FGGY: variants seen among roughly 807,000 people sequenced by gnomAD.
FGGY encodes the protein FGGY carbohydrate kinase domain containing.
FGGY carries 72 observed loss-of-function variants against 71.3 expected under a neutral mutation model. That is an observed-to-expected ratio of 1.01 (90% CI 0.84 to 1.23). The LOEUF is 1.23. Ranked by LOEUF, FGGY falls within the 50% of genes most tolerant of loss-of-function variation. The probability of loss-of-function intolerance (pLI) is 0.00; values close to 1 mark genes in which losing one functional copy is unlikely to be tolerated. For missense variants in FGGY, 668 were observed against 682.3 expected (o/e 0.98, Z 0.23); for synonymous variants, 251 against 250.3 (o/e 1.00, Z -0.02).
intron 7 of FGGY, among the ~76,000 whole-genome samples, chr1:59,513,831 G>A (rs372530759): frequency 1.3e-5 from 2 of 152,110 alleles, no homozygotes; most frequent in Admixed American, 6.5e-5. Flanking sequence ...CTTATGCAAC[G>A]GATTATTAAA....
At chr1:59,497,665 C>A (rs2094084245) in intron 6 of FGGY, among the ~76,000 whole-genome samples, 1 of 152,306 alleles carries the variant, frequency 6.6e-6, no homozygotes, top group South Asian at 2.1e-4. Flanking sequence ...TTGCCCATTT[C>A]TGTTCAGCCG....
intron 5 of FGGY, among the ~76,000 whole-genome samples, chr1:59,432,695 G>A (rs893692683): frequency 3.3e-5 from 5 of 152,198 alleles, no homozygotes; most frequent in African/African-American, 1.2e-4. Context: ...CACCTCTGTA[G>A]TAATGGCAGC....
intron 1 of FGGY, among the ~76,000 whole-genome samples, chr1:59,300,230 A>G (rs1262168505): frequency 6.6e-6 from 1 of 152,238 alleles, no homozygotes; most frequent in Non-Finnish European, 1.5e-5. Flanking sequence ...CATCAAAAGA[A>G]CATACCTAAT....
chr1:59,590,750 A>T (rs890178344), intron 8 of FGGY, among the ~76,000 whole-genome samples: 10 of 152,226 alleles, frequency 6.6e-5, no homozygotes, highest in Non-Finnish European at 2.9e-5. Flanking sequence ...GCCTTATGCT[A>T]AAAACTCTCA....
At chr1:59,342,063 A>G (rs1334148847) in intron 3 of FGGY, among the ~76,000 whole-genome samples, 1 of 152,142 alleles carries the variant, frequency 6.6e-6, no homozygotes, top group Non-Finnish European at 1.5e-5. Context: ...TTTAGATACT[A>G]AGAGTCCTGT....
At position 59,473,228 on chromosome 1, in the gene FGGY, C is replaced by T. The variant is rs192994449; in HGVS notation, c.670+16152C>T. ...TCTGCAGCTTCACTCCTGAAGCCAG[C>T]GAGACCACGAACCCACCGGGAGGAA... On this transcript the variant is annotated intron_variant, in intron 6 of 15. Transcript: ENST00000303721. Among the ~76,000 whole-genome samples the T allele has an allele frequency of 1.5e-4, 23 of 152,170 alleles. No individual in the cohort carries two copies. The East Asian group carries it at 3.5e-3, about 23-fold the overall frequency.
At chr1:59,589,044 C>T (rs998329208) in intron 8 of FGGY, among the ~76,000 whole-genome samples, 4 of 152,096 alleles carry the variant, frequency 2.6e-5, no homozygotes, top group African/African-American at 9.7e-5. Flanking sequence ...TCAGGAAACC[C>T]AGCTCACATG....
At chr1:59,439,000 A>T (rs2069147568) in intron 5 of FGGY, among the ~76,000 whole-genome samples, 1 of 152,098 alleles carries the variant, frequency 6.6e-6, no homozygotes, top group South Asian at 2.1e-4. Flanking sequence ...TTTTATATCT[A>T]CTTCATAATC....
chr1:59,584,086 C>A (rs575084789), intron 8 of FGGY, among the ~76,000 whole-genome samples: 2 of 149,752 alleles, frequency 1.3e-5, no homozygotes, highest in South Asian at 2.1e-4. Context: ...ACCAGAGGTA[C>A]AAGGAGGAAT....
chr1:59,559,069 C>G (rs2095742456), intron 8 of FGGY, among the ~76,000 whole-genome samples: 1 of 152,112 alleles, frequency 6.6e-6, no homozygotes, highest in South Asian at 2.1e-4. Context: ...TCATATTGTT[C>G]AAACACACAT....
intron 11 of FGGY, among the ~76,000 whole-genome samples, chr1:59,648,518 CA>C (rs1395515046): frequency 7.3e-6 from 1 of 137,804 alleles, no homozygotes; most frequent in Non-Finnish European, 1.5e-5. Flanking sequence ...AGCATTTTTT[CA>C]TGTGTTTTTT....
chr1:59,739,635 GTTTC>G (rs2098131865), intron 14 of FGGY, among the ~76,000 whole-genome samples: 1 of 152,062 alleles, frequency 6.6e-6, no homozygotes, highest in South Asian at 2.1e-4. Flanking sequence ...TTGAGTTTTA[GTTTC>G]TTTCTCTCTA....
At chr1:59,552,523 G>C (rs1243540081) in intron 7 of FGGY, among the ~76,000 whole-genome samples, 1 of 152,198 alleles carries the variant, frequency 6.6e-6, no homozygotes, top group Non-Finnish European at 1.5e-5. Flanking sequence ...TAAGAGGCCT[G>C]TCTCTGGCCT....
At chr1:59,366,081 A>G (rs912227895) in intron 4 of FGGY, among the ~76,000 whole-genome samples, 6 of 152,188 alleles carry the variant, frequency 3.9e-5, no homozygotes, top group African/African-American at 7.2e-5. Context: ...GCTGAGTATG[A>G]TGAGTTTTCA....
At chr1:59,312,141 T>G (rs996548027) in intron 1 of FGGY, among the ~76,000 whole-genome samples, 1 of 152,240 alleles carries the variant, frequency 6.6e-6, no homozygotes, top group Admixed American at 6.5e-5. Context: ...CCTTGTAAAT[T>G]CTGGATATTA....
intron 8 of FGGY, among the ~76,000 whole-genome samples, chr1:59,593,348 C>T (rs942754311): frequency 6.6e-6 from 1 of 152,208 alleles, no homozygotes; most frequent in African/African-American, 2.4e-5. Flanking sequence ...AATTCTATTT[C>T]TGCATGTCAT....
At chr1:59,581,211 T>G (rs1426448520) in intron 8 of FGGY, among the ~76,000 whole-genome samples, 1 of 150,082 alleles carries the variant, frequency 6.7e-6, no homozygotes, top group Non-Finnish European at 1.5e-5. Flanking sequence ...AATTCACAGA[T>G]GAACAAATGC....
intron 14 of FGGY, chr1:59,756,106 G>T (rs1030463137): frequency 1.3e-5 from 2 of 152,180 alleles, no homozygotes; most frequent in Admixed American, 1.3e-4. Context: ...TGGAATGGCA[G>T]CATGTTCACT....
At chr1:59,552,472 G>T (rs1461544087) in intron 7 of FGGY, among the ~76,000 whole-genome samples, 1 of 152,286 alleles carries the variant, frequency 6.6e-6, no homozygotes, top group Admixed American at 6.5e-5. Flanking sequence ...TGCCCCAGAA[G>T]GTAGAATTTG....
Sources: allele counts gnomAD v4.1 joint callset (sites outside exome capture counted in the v4.1 genomes callset), GRCh38; gene constraint gnomAD v4.1.1; transcripts MANE v1.5; gene names NCBI Gene and HGNC (gene_info 2026-07-23, HGNC 2026-07-21).